PIEZO1: variants seen among roughly 807,000 people sequenced by gnomAD.
The protein encoded by PIEZO1 is piezo type mechanosensitive ion channel component 1 (Er blood group).
A neutral mutation model predicts 297.2 loss-of-function variants in PIEZO1; 296 were observed. The ratio of observed to expected loss-of-function variants is 1.00; its 90% CI spans 0.91 to 1.10. PIEZO1 has a LOEUF of 1.10. PIEZO1 is among the 50% of genes least tolerant of loss of function. The pLI is 0.00. For synonymous variants in PIEZO1, 2,427 were observed against 1,507.5 expected (o/e 1.61, Z -14.13); for missense variants, 5,018 against 3,455.5 (o/e 1.45, Z -11.34).
At chr16:88,760,070 T>TCCACGCCTGGCCCACCTC (rs1555561301) in intron 1 of PIEZO1, among the ~76,000 whole-genome samples, 2 of 140,224 alleles carry the variant, frequency 1.4e-5, no homozygotes, top group African/African-American at 5.1e-5. Context: ...TGACACCTGG[T>TCCACGCCTGGCCCACCTC]CCACGCCTGG....
At chr16:88,724,961 G>A (rs1199166500) in intron 30 of PIEZO1, 48 bp downstream of exon 30, 5 of 1,184,370 alleles carry the variant, frequency 4.2e-6, no homozygotes, top group Admixed American at 3.3e-5. Flanking sequence ...ACAGATGGGG[G>A]CACAGAGGGC....
At chr16:88,749,291 G>A in intron 2 of PIEZO1, 93 bp downstream of exon 2, 1 of 794,082 alleles carries the variant, frequency 1.3e-6, no homozygotes, top group South Asian at 2.1e-5. Flanking sequence ...ACCCCGGGCT[G>A]TTAAAGGTGA....
intron 9 of PIEZO1, 29 bp downstream of exon 9, chr16:88,737,699 C>T: frequency 6.5e-7 from 1 of 1,534,380 alleles, no homozygotes; most frequent in Non-Finnish European, 8.7e-7. Flanking sequence ...GCCCCCCACG[C>T]TGGCGTCTCC....
At chr16:88,750,501 C>T (rs1035748328) in intron 1 of PIEZO1, among the ~76,000 whole-genome samples, 2 of 152,254 alleles carry the variant, frequency 1.3e-5, no homozygotes, top group Non-Finnish European at 2.9e-5. Flanking sequence ...TGCCCTCCTG[C>T]CTGTCCCAGA....
At position 88,732,645 on chromosome 16, in the gene PIEZO1, C is replaced by G; in HGVS notation, c.2752G>C (p.Gly918Arg). The stretch of plus-strand genomic sequence containing the variant: ...AGGTTGGGGAACCCTTTCCGCACCC[C>G]AAACCAGTTGGCAGGGTCCACGGGC... The part of the protein sequence containing the change: ...RGPVDPANWF[G>R]VRKGFPNLGY... Residue 918 changes from glycine (G) to arginine (R), a missense_variant, in exon 20 of 51, where the codon GGG (glycine) becomes CGG (arginine). Gly to Arg is a moderately radical substitution (Grantham distance 125). Transcript: ENST00000301015. 6.5e-7 allele frequency: 1 copy of G among 1,549,748 alleles called. No homozygotes were observed.
chr16:88,722,708 G>A lies in PIEZO1; in HGVS notation c.4669-19C>T. ...CGCCGCCCTGCAGGGCACAGCAGGG[G>A]GCTCAGGGCTGCGTCCAGCTCTTGT... On this transcript the variant is annotated intron_variant, in intron 34 of 50. Coordinates refer to ENST00000301015, the MANE Select transcript of PIEZO1 (RefSeq NM_001142864.4). The A allele has an allele frequency of 6.5e-7, 1 of 1,532,490 alleles. No homozygotes were observed. The highest frequency in any genetic ancestry group is 8.8e-7 in the Non-Finnish European group (1 of 1,142,598). 94.9% of individuals were successfully genotyped at this position (1,532,490 alleles called of 1,614,324 possible).
chr16:88,775,806 T>C (rs1907635640), intron 1 of PIEZO1, among the ~76,000 whole-genome samples: 1 of 150,144 alleles, frequency 6.7e-6, no homozygotes. Flanking sequence ...AGGGAGAGTA[T>C]GTGCAGGAGG....
Position 88,733,111 on chromosome 16 carries a change from A to T in PIEZO1, c.2664+167T>A, listed in dbSNP as rs559597618. ...GGAGTGCGCCCCTGGTCCACAGTTGAGGTCGAAGGATGCTGCCTCCAGGAA... is the reference window on the plus strand; with the variant it reads ...GGAGTGCGCCCCTGGTCCACAGTTGTGGTCGAAGGATGCTGCCTCCAGGAA... On this transcript the variant is annotated intron_variant, in intron 19 of 50. Transcript: ENST00000301015. 6.2e-6 allele frequency: 4 copies of T among 646,178 alleles called. No homozygotes were observed. The South Asian group carries it at 7.8e-5, about 13-fold the overall frequency. The allele number at this position is 646,178 out of a possible 1,614,324, so 40.0% of individuals were successfully genotyped here.
At chr16:88,732,307 C>T (rs1396392596) in intron 21 of PIEZO1, 28 bp downstream of exon 21, 1 of 1,533,816 alleles carries the variant, frequency 6.5e-7, no homozygotes, top group Non-Finnish European at 8.8e-7. Flanking sequence ...AAGCCCTGCC[C>T]CAGGGGGAGG....
intron 31 of PIEZO1, 114 bp downstream of exon 31, chr16:88,723,757 G>C: frequency 1.6e-6 from 1 of 642,192 alleles, no homozygotes; most frequent in Non-Finnish European, 2.8e-6. Flanking sequence ...CTAACTGGAG[G>C]TGGAGGAGCT....
Position 88,726,963 on chromosome 16 carries a change from C to G in PIEZO1, c.3456-5G>C, listed in dbSNP as rs1447579522. 6.5e-7 allele frequency: 1 copy of G among 1,550,062 alleles called. No homozygotes were observed. The highest frequency in any genetic ancestry group is 2.0e-5 in the Admixed American group (1 of 50,990). On this transcript the variant is annotated splice_polypyrimidine_tract_variant and splice_region_variant and intron_variant, in intron 24 of 50. Coordinates refer to ENST00000301015, the MANE Select transcript of PIEZO1 (RefSeq NM_001142864.4). Reference sequence around the variant, plus strand: ...TTCAGCATGTCAAGGTAGGACCTGCCAGGCCGGAGCGTCAGGGCGGGCGCC... The same window carrying G: ...TTCAGCATGTCAAGGTAGGACCTGCGAGGCCGGAGCGTCAGGGCGGGCGCC...
rs1185831626 is a variant in PIEZO1 at position 88,736,291 on chromosome 16, G to A, written c.1414C>T (p.Leu472=). 3 of 1,550,230 alleles carry A rather than the reference G, an allele frequency of 1.9e-6. No individual in the cohort carries two copies. The highest frequency in any genetic ancestry group is 4.9e-5 in the East Asian group (2 of 40,916). Residue 472 remains leucine, a synonymous_variant, in exon 12 of 51, where the codon CTG becomes TTG. Coordinates refer to ENST00000301015, the MANE Select transcript of PIEZO1 (RefSeq NM_001142864.4). The part of the protein sequence containing the change: ...LAMLCSPCIL[L]YGMTLCCLRY... ...AGGCAGCACAGCGTCATCCCATACA[G>A]CAGGATGCAGGGCGAGCACAGCATG...
At chr16:88,766,034 C>T (rs553758415) in intron 1 of PIEZO1, among the ~76,000 whole-genome samples, 20 of 152,298 alleles carry the variant, frequency 1.3e-4, no homozygotes, top group African/African-American at 2.6e-4. Context: ...ACATCACATG[C>T]GAGTCAGCGC....
chr16:88,720,367 G>T lies in PIEZO1; in HGVS notation c.5949+18C>A, dbSNP rs1186996179. 11 of 1,550,166 alleles carry T rather than the reference G, an allele frequency of 7.1e-6. No homozygotes were observed. Among genetic ancestry groups the T allele is most frequent in the African/African-American group, 1.4e-5 (1 of 73,020 alleles). ...TGAGCTCTGCGTACACTGGGTTTGG[G>T]TCCCGGGCCTGGCTCACCCCAAAGG... On this transcript the variant is annotated intron_variant, in intron 41 of 50. Transcript: ENST00000301015.
At chr16:88,755,676 CG>C (rs1249979019) in intron 1 of PIEZO1, among the ~76,000 whole-genome samples, 18 of 152,104 alleles carry the variant, frequency 1.2e-4, no homozygotes, top group Non-Finnish European at 1.9e-4. Flanking sequence ...TTGCTTATAC[CG>C]CCTTTTCACC....
chr16:88,749,062 C>A (rs991897644), intron 2 of PIEZO1, among the ~76,000 whole-genome samples: 3 of 151,640 alleles, frequency 2.0e-5, no homozygotes, highest in Non-Finnish European at 2.9e-5. Flanking sequence ...ACGGTGAAAC[C>A]CCGTCTCTAC....
At position 88,723,826 on chromosome 16, in the gene PIEZO1, A is replaced by C; in HGVS notation, c.4335+45T>G. 3 of 1,041,142 alleles carry C rather than the reference A, an allele frequency of 2.9e-6. No individual in the cohort carries two copies. In the South Asian group the frequency reaches 4.1e-5, roughly 14 times the overall value. 64.5% of individuals were successfully genotyped at this position (1,041,142 alleles called of 1,614,324 possible). ...CTATGCTGCCCTGGTCCAGGACCAC[A>C]AGCTCTGTGGTTGGAGTGGGGCCGA... On this transcript the variant is annotated intron_variant, in intron 31 of 50. Transcript: ENST00000301015.
Position 88,738,707 on chromosome 16 carries a change from G to A in PIEZO1, c.495C>T (p.Ser165=). The part of the protein sequence containing the change: ...LDDDERDVDA[S]PTAGLQEAAT... The stretch of plus-strand genomic sequence containing the variant: ...CTGCTTCCTGCAGCCCTGCCGTCGG[G>A]CTGGCATCCACATCCCTCTCATCAT... The change falls in exon 6 of 51, where the codon AGC becomes AGT. Residue 165 remains serine, a synonymous_variant. Transcript: ENST00000301015. 1.3e-6 allele frequency: 2 copies of A among 1,533,658 alleles called. No individual in the cohort carries two copies. Among genetic ancestry groups the A allele is most frequent in the Non-Finnish European group, 1.7e-6 (2 of 1,145,152 alleles).
intron 1 of PIEZO1, among the ~76,000 whole-genome samples, chr16:88,779,404 C>G (rs908397918): frequency 6.6e-6 from 1 of 152,218 alleles, no homozygotes; most frequent in African/African-American, 2.4e-5. Flanking sequence ...ACTTTTCTTT[C>G]CCCGCCTGTG....
Sources: gnomAD v4.1 joint callset for allele counts (sites outside exome capture counted in the v4.1 genomes callset) on GRCh38, gnomAD v4.1.1 for gene constraint, MANE v1.5 for transcripts, NCBI Gene and HGNC (gene_info 2026-07-23, HGNC 2026-07-21) for gene names.